Variants in MED12L observed in about 807,000 individuals in gnomAD.
MED12L encodes the protein mediator of RNA polymerase II transcription subunit 12-like protein.
In MED12L, 60 loss-of-function variants were observed where a neutral mutation model predicts 281.3. The ratio of observed to expected loss-of-function variants is 0.21; its 90% CI spans 0.17 to 0.26. MED12L has a LOEUF of 0.26. Ranked by LOEUF, MED12L falls within the 10% of genes least tolerant of loss-of-function variation. The pLI, the probability that MED12L is intolerant of heterozygous loss-of-function variation, is 1.00. For synonymous variants in MED12L, 974 were observed against 987.2 expected, an observed-to-expected ratio of 0.99 and a Z score of 0.25; for missense variants, 2,146 against 2,680.9, an observed-to-expected ratio of 0.80 and a Z score of 4.41.
chr3:151,176,170 G>C (rs1365937053), intron 11 of MED12L, among the ~76,000 whole-genome samples: 1 of 152,194 alleles, frequency 6.6e-6, no homozygotes, highest in Non-Finnish European at 1.5e-5. Flanking sequence ...GTTGGACTCA[G>C]ATTTGACCTA....
intron 38 of MED12L, among the ~76,000 whole-genome samples, chr3:151,391,546 G>A (rs550157563): frequency 3.9e-5 from 6 of 151,936 alleles, no homozygotes; most frequent in African/African-American, 1.4e-4. Flanking sequence ...ATTGTCTTGG[G>A]CCACACATAA....
intron 16 of MED12L, among the ~76,000 whole-genome samples, chr3:151,291,815 G>A (rs1223294288): frequency 2.0e-5 from 3 of 152,096 alleles, no homozygotes; most frequent in African/African-American, 7.2e-5. Context: ...GTGGGAATTG[G>A]TATGAAATAT....
At position 151,283,238 on chromosome 3, in the gene MED12L, G is replaced by T. The variant is rs9811095; in HGVS notation, c.2251-66821G>T. Among the ~76,000 whole-genome samples, 1,212 of 152,332 alleles carry T rather than the reference G, an allele frequency of 8.0e-3. 5 individuals carry two copies. The highest frequency in any genetic ancestry group is 0.014 in the Non-Finnish European group (928 of 68,028). ...GTGTGGATACTAACGTTGAGTCATG[G>T]TTGATTGTCTAATCCCAATTAGTTG... On this transcript the variant is annotated intron_variant, in intron 16 of 44. Transcript: ENST00000687756.
rs1873620 is a variant in MED12L at position 151,318,604 on chromosome 3, T to A, written c.2251-31455T>A. On this transcript the variant is annotated intron_variant, in intron 16 of 44. Coordinates refer to ENST00000687756, the MANE Select transcript of MED12L (RefSeq NM_001393769.1). ...TTATGGCCCCCATAAAAGTATGTTG[T>A]GCAAAGAACTTTGCTGCAAGTACTG... 8.0e-3 allele frequency among the ~76,000 whole-genome samples: 1,223 copies of A among 152,324 alleles called. 10 individuals are homozygous for A. The highest frequency in any genetic ancestry group is 0.023 in the South Asian group (113 of 4,824).
At chr3:151,326,905 A>C (rs1749667851) in intron 16 of MED12L, 1 of 152,214 alleles carries the variant, frequency 6.6e-6, no homozygotes. Context: ...TACCAAGGTA[A>C]ATAAATACAA....
intron 24 of MED12L, 139 bp from the exon 25 acceptor site, chr3:151,368,011 A>G: frequency 1.2e-6 from 1 of 831,654 alleles, no homozygotes; most frequent in Non-Finnish European, 1.9e-6. Flanking sequence ...TTCTCAGAAA[A>G]ATAGCCAGGG....
At chr3:151,276,830 C>G (rs1012706993) in intron 16 of MED12L, among the ~76,000 whole-genome samples, 1 of 152,134 alleles carries the variant, frequency 6.6e-6, no homozygotes, top group Non-Finnish European at 1.5e-5. Context: ...TGCACCCGGC[C>G]CACTTCCCCT....
chr3:151,260,523 T>C (rs931696393), intron 16 of MED12L, among the ~76,000 whole-genome samples: 2 of 152,124 alleles, frequency 1.3e-5, no homozygotes, highest in African/African-American at 4.8e-5. Flanking sequence ...CTAATTTTTA[T>C]ATTTTTCATA....
At chr3:151,151,831 A>G (rs905059527) in intron 5 of MED12L, among the ~76,000 whole-genome samples, 1 of 152,190 alleles carries the variant, frequency 6.6e-6, no homozygotes, top group Non-Finnish European at 1.5e-5. Flanking sequence ...ATGTGAACAT[A>G]TGCTGTTGGG....
At chr3:151,402,303 T>C (rs1430261112) in intron 39 of MED12L, among the ~76,000 whole-genome samples, 2 of 152,216 alleles carry the variant, frequency 1.3e-5, no homozygotes, top group African/African-American at 2.4e-5. Context: ...ACTCATTTAG[T>C]TGAGAAATAG....
At chr3:151,331,895 A>T (rs551544184) in intron 16 of MED12L, among the ~76,000 whole-genome samples, 93 of 152,336 alleles carry the variant, frequency 6.1e-4, no homozygotes, top group African/African-American at 2.2e-3. Flanking sequence ...CCGTAAAGTC[A>T]CACAGTTGGT....
intron 27 of MED12L, 55 bp from the exon 28 acceptor site, chr3:151,375,971 A>ATATATATATATATC: frequency 1.2e-6 from 1 of 807,382 alleles, no homozygotes; most frequent in Non-Finnish European, 1.7e-6. Flanking sequence ...TACATATTGC[A>ATATATATATATATC]TATATATATA....
chr3:151,232,307 C>G (rs748187713), intron 16 of MED12L, among the ~76,000 whole-genome samples: 1 of 152,212 alleles, frequency 6.6e-6, no homozygotes, highest in Non-Finnish European at 1.5e-5. Context: ...ACCCTCCCAC[C>G]AATGTGTGGA....
chr3:151,338,712 A>G, intron 16 of MED12L: 1 of 1,613,608 alleles, frequency 6.2e-7, no homozygotes, highest in Non-Finnish European at 8.5e-7. Flanking sequence ...CCTCATCGCC[A>G]GGCCATTTGT....
chr3:151,403,995 T>C (rs758715790), intron 39 of MED12L, among the ~76,000 whole-genome samples: 1 of 152,212 alleles, frequency 6.6e-6, no homozygotes, highest in African/African-American at 2.4e-5. Context: ...AGTTCAAAAA[T>C]GTTTTGGAGA....
chr3:151,193,141 A>G (rs1724200755), intron 15 of MED12L, among the ~76,000 whole-genome samples: 1 of 152,190 alleles, frequency 6.6e-6, no homozygotes, highest in Non-Finnish European at 1.5e-5. Context: ...CATTAGTCTT[A>G]CTAGTTTATT....
At position 151,184,640 on chromosome 3, in the gene MED12L, C is replaced by T. The variant is rs902489921; in HGVS notation, c.1495-690C>T. On this transcript the variant is annotated intron_variant, in intron 11 of 44. Coordinates refer to ENST00000687756, the MANE Select transcript of MED12L (RefSeq NM_001393769.1). ...TCCCCAACATCCTCTCATCCTCAGT[C>T]GCTGGTGCCTATTTCTAGGCCATGA... Among the ~76,000 whole-genome samples, 6 of 152,318 alleles carry T rather than the reference C, an allele frequency of 3.9e-5. No homozygotes were observed. The East Asian group carries it at 7.7e-4, about 20-fold the overall frequency.
chr3:151,240,607 T>A (rs1288689369), intron 16 of MED12L, among the ~76,000 whole-genome samples: 1 of 151,884 alleles, frequency 6.6e-6, no homozygotes, highest in Non-Finnish European at 1.5e-5. Flanking sequence ...AATCTAGTTG[T>A]TTATCTTTAA....
intron 16 of MED12L, among the ~76,000 whole-genome samples, chr3:151,343,619 A>C (rs1752153072): frequency 6.7e-6 from 1 of 148,764 alleles, no homozygotes; most frequent in South Asian, 2.1e-4. Flanking sequence ...CTCATTAGTA[A>C]ATAACATCAA....
Sources: gnomAD v4.1 joint callset for allele counts (sites outside exome capture counted in the v4.1 genomes callset) on GRCh38, gnomAD v4.1.1 for gene constraint, MANE v1.5 for transcripts, NCBI Gene and HGNC (gene_info 2026-07-23, HGNC 2026-07-21) for gene names.